Variants in TBXAS1 observed in about 807,000 individuals in gnomAD.
TBXAS1 encodes the protein thromboxane A synthase 1.
TBXAS1 carries 48 observed loss-of-function variants against 60.7 expected under a neutral mutation model. The observed-to-expected ratio is 0.79, with a 90% confidence interval of 0.63 to 1.01. The LOEUF is 1.01. TBXAS1 is among the 50% of genes least tolerant of loss of function. The pLI is 0.00. For missense variants in TBXAS1, 685 were observed against 686.3 expected (o/e 1.00, Z 0.02); for synonymous variants, 287 against 269.7 (o/e 1.06, Z -0.63).
At chr7:139,942,360 T>TC (rs1311491091) in intron 5 of TBXAS1, among the ~76,000 whole-genome samples, 2 of 152,238 alleles carry the variant, frequency 1.3e-5, no homozygotes, top group Non-Finnish European at 2.9e-5. Context: ...AAATAGGTTT[T>TC]CAAAAGGAGA....
chr7:139,895,208 G>A (rs1293972223), intron 3 of TBXAS1, among the ~76,000 whole-genome samples: 1 of 152,198 alleles, frequency 6.6e-6, no homozygotes, highest in African/African-American at 2.4e-5. Flanking sequence ...AAAAGCCCTT[G>A]AGGTGGGAAT....
chr7:139,878,290 C>G (rs935823019), intron 3 of TBXAS1, among the ~76,000 whole-genome samples: 3 of 151,846 alleles, frequency 2.0e-5, no homozygotes, highest in African/African-American at 7.3e-5. Context: ...TCCTTGACAA[C>G]AGGATATCCA....
At chr7:139,848,362 GCAT>G (rs1799969991) in intron 1 of TBXAS1, among the ~76,000 whole-genome samples, 1 of 152,116 alleles carries the variant, frequency 6.6e-6, no homozygotes. Context: ...AAAAAGTTGT[GCAT>G]CATTGATTAT....
intron 9 of TBXAS1, among the ~76,000 whole-genome samples, chr7:139,998,094 T>C (rs1813421922): frequency 6.6e-6 from 1 of 152,140 alleles, no homozygotes; most frequent in Non-Finnish European, 1.5e-5. Flanking sequence ...GACATGAAAC[T>C]GAGCAAAAGA....
At chr7:139,879,855 T>C (rs1370307187) in intron 3 of TBXAS1, among the ~76,000 whole-genome samples, 2 of 151,202 alleles carry the variant, frequency 1.3e-5, no homozygotes, top group African/African-American at 4.9e-5. Flanking sequence ...TGTGTGTGTG[T>C]GTGTGTGTGT....
chr7:139,905,019 CTTT>C (rs1804905212), intron 3 of TBXAS1, among the ~76,000 whole-genome samples: 2 of 75,190 alleles, frequency 2.7e-5, no homozygotes, highest in Non-Finnish European at 5.0e-5. Context: ...TTCTTTCTTT[CTTT>C]CTTTCTTTCT....
chr7:139,875,751 A>G, intron 3 of TBXAS1, 114 bp downstream of exon 3: 2 of 1,339,900 alleles, frequency 1.5e-6, no homozygotes, highest in Non-Finnish European at 2.1e-6. Flanking sequence ...GGAATGTTGT[A>G]TGTGTTTCTA....
At chr7:139,808,968 C>G (rs1309570178) in intron 4 of TBXAS1, among the ~76,000 whole-genome samples, 2 of 130,598 alleles carry the variant, frequency 1.5e-5, no homozygotes, top group Non-Finnish European at 3.1e-5. Context: ...AAACAGAGTG[C>G]CAGGTCTTCA....
chr7:139,833,927 A>G (rs952469782), intron 1 of TBXAS1, among the ~76,000 whole-genome samples: 1 of 152,208 alleles, frequency 6.6e-6, no homozygotes, highest in Non-Finnish European at 1.5e-5. Context: ...GCAAAGAAAC[A>G]ATGGATTTAA....
intron 2 of TBXAS1, chr7:139,782,374 A>G (rs1167194606): frequency 2.6e-5 from 4 of 152,064 alleles, no homozygotes; most frequent in South Asian, 4.2e-4. Flanking sequence ...TGCAAGTCAT[A>G]TCTTTCTCAG....
At chr7:139,985,118 G>A (rs1392263537) in intron 9 of TBXAS1, among the ~76,000 whole-genome samples, 1 of 152,196 alleles carries the variant, frequency 6.6e-6, no homozygotes, top group African/African-American at 2.4e-5. Context: ...TCCTAAGGCA[G>A]GACTTTCCAC....
intron 9 of TBXAS1, among the ~76,000 whole-genome samples, chr7:139,980,486 C>G (rs2117505199): frequency 6.6e-6 from 1 of 152,248 alleles, no homozygotes; most frequent in South Asian, 2.1e-4. Flanking sequence ...TCAGAGGCCT[C>G]TCTCCTCAGG....
rs182272993 is a variant in TBXAS1, at chr7:139,833,595, G to A, written c.89+4116G>A. Among the ~76,000 whole-genome samples, 37 of 151,222 alleles carry A rather than the reference G, an allele frequency of 2.4e-4. No homozygotes were observed. In the East Asian group the frequency reaches 5.9e-3, roughly 24 times the overall value. ...AGCTACTTGGGAGGCTGAGGCAGGCGAATCACTTAAATCTGGGAGGTGGAG... is the reference window on the plus strand; with the variant it reads ...AGCTACTTGGGAGGCTGAGGCAGGCAAATCACTTAAATCTGGGAGGTGGAG... On this transcript the variant is annotated intron_variant, in intron 1 of 12. Coordinates refer to ENST00000448866, the MANE Select transcript of TBXAS1 (RefSeq NM_001061.7).
At chr7:139,858,843 G>A (rs746886260) in intron 1 of TBXAS1, among the ~76,000 whole-genome samples, 1 of 152,122 alleles carries the variant, frequency 6.6e-6, no homozygotes, top group African/African-American at 2.4e-5. Flanking sequence ...TCATTATAAA[G>A]CATTTATTTA....
chr7:139,962,266 A>C, intron 9 of TBXAS1, 33 bp downstream of exon 9: 1 of 1,610,894 alleles, frequency 6.2e-7, no homozygotes, highest in Non-Finnish European at 8.5e-7. Flanking sequence ...TACCCATGGG[A>C]TATCCATAGG....
At chr7:139,874,412 C>T (rs899171163) in intron 2 of TBXAS1, among the ~76,000 whole-genome samples, 1 of 152,190 alleles carries the variant, frequency 6.6e-6, no homozygotes, top group African/African-American at 2.4e-5. Context: ...GGAGAGCCTC[C>T]ACATATGCTC....
intron 10 of TBXAS1, among the ~76,000 whole-genome samples, chr7:140,011,170 G>C (rs1346202597): frequency 6.6e-6 from 1 of 151,932 alleles, no homozygotes; most frequent in Admixed American, 6.6e-5. Context: ...CCAGCTACAA[G>C]GGAGGCTAAG....
intron 9 of TBXAS1, among the ~76,000 whole-genome samples, chr7:139,994,203 G>A (rs1049675606): frequency 2.0e-5 from 3 of 152,124 alleles, no homozygotes; most frequent in Non-Finnish European, 2.9e-5. Flanking sequence ...CACCACACTT[G>A]GCTAATTTTT....
chr7:140,001,885 A>G (rs1486606442), intron 9 of TBXAS1, among the ~76,000 whole-genome samples: 1 of 152,150 alleles, frequency 6.6e-6, no homozygotes, highest in African/African-American at 2.4e-5. Flanking sequence ...CACTCATCCT[A>G]AAAATCTCAG....
Sources: allele counts gnomAD v4.1 joint callset (sites outside exome capture counted in the v4.1 genomes callset), GRCh38; gene constraint gnomAD v4.1.1; transcripts MANE v1.5; gene names NCBI Gene and HGNC (gene_info 2026-07-23, HGNC 2026-07-21).